TBC1D8: variants seen among roughly 807,000 people sequenced by gnomAD.
TBC1D8 encodes the protein BUB2-like protein 1.
Under a neutral mutation model 118.8 loss-of-function variants are expected in TBC1D8, and 65 were observed. The observed-to-expected ratio is 0.55, with a 90% CI of 0.45 to 0.67. The LOEUF (loss-of-function observed/expected upper bound fraction) is 0.67. TBC1D8 is among the 30% of genes least tolerant of loss of function. TBC1D8 has a pLI of 0.00. For synonymous variants in TBC1D8, 566 were observed against 595.8 expected, an observed-to-expected ratio of 0.95 and a Z score of 0.73; for missense variants, 1,376 against 1,471.2, an observed-to-expected ratio of 0.94 and a Z score of 1.06.
At chr2:101,086,568 C>CAA (rs992197534) in intron 2 of TBC1D8, among the ~76,000 whole-genome samples, 1 of 123,474 alleles carries the variant, frequency 8.1e-6, no homozygotes. Flanking sequence ...ATATGCAAAG[C>CAA]AAAAAAAAAA....
chr2:101,135,741 G>A (rs1678829685), intron 1 of TBC1D8, among the ~76,000 whole-genome samples: 1 of 152,224 alleles, frequency 6.6e-6, no homozygotes. Context: ...CTGATAACAT[G>A]AGCAGATTGC....
intron 1 of TBC1D8, among the ~76,000 whole-genome samples, chr2:101,091,001 G>A (rs552799711): frequency 3.3e-5 from 5 of 152,270 alleles, no homozygotes; most frequent in South Asian, 2.1e-4. Context: ...TAAGAAAACC[G>A]GCCAGGAGTG....
intron 1 of TBC1D8, among the ~76,000 whole-genome samples, chr2:101,095,994 C>T (rs1461246660): frequency 6.6e-6 from 1 of 152,118 alleles, no homozygotes; most frequent in African/African-American, 2.4e-5. Flanking sequence ...CACCAACAGG[C>T]TCCAGTATAA....
chr2:101,064,768 G>A (rs1326415176), intron 2 of TBC1D8, among the ~76,000 whole-genome samples: 28 of 152,132 alleles, frequency 1.8e-4, no homozygotes, highest in Admixed American at 1.8e-3. Context: ...ACAACCAGAG[G>A]TGGTCAACAG....
At chr2:101,138,283 T>A (rs56109794) in intron 1 of TBC1D8, among the ~76,000 whole-genome samples, 2 of 152,118 alleles carry the variant, frequency 1.3e-5, no homozygotes, top group Non-Finnish European at 2.9e-5. Context: ...TTTAAATTAG[T>A]TAATTGTTTT....
At chr2:101,127,651 C>A (rs766724004) in intron 1 of TBC1D8, among the ~76,000 whole-genome samples, 1 of 152,200 alleles carries the variant, frequency 6.6e-6, no homozygotes, top group Non-Finnish European at 1.5e-5. Flanking sequence ...GATCCTCCCA[C>A]CTCAGCCTCC....
chr2:101,138,495 G>A (rs72822934), intron 1 of TBC1D8, among the ~76,000 whole-genome samples: 3,421 of 152,138 alleles, frequency 0.022, 56 homozygotes, highest in Non-Finnish European at 0.035. Context: ...CATTTCAGAC[G>A]CCAGTCACAA....
In TBC1D8 at chr2:101,086,947, C is replaced by T. The variant is rs528706282; in HGVS notation, c.283+3262G>A. 3.2e-4 allele frequency among the ~76,000 whole-genome samples: 48 copies of T among 152,128 alleles called. No homozygotes were observed. The South Asian group carries it at 4.6e-3, about 15-fold the overall frequency. On this transcript the variant is annotated intron_variant, in intron 2 of 19. Transcript: ENST00000409318. ...TACAGGCACCCACAACCACCCCTGG[C>T]TAATTTCTGTACTTTTAGTAGAGAT...
intron 5 of TBC1D8, among the ~76,000 whole-genome samples, chr2:101,048,401 C>T (rs1681841757): frequency 6.6e-6 from 1 of 152,086 alleles, no homozygotes; most frequent in African/African-American, 2.4e-5. Flanking sequence ...GGTCCAAATC[C>T]CAAAGGACAC....
intron 2 of TBC1D8, among the ~76,000 whole-genome samples, chr2:101,069,301 A>T (rs971502426): frequency 2.6e-4 from 39 of 152,082 alleles, no homozygotes; most frequent in Admixed American, 2.6e-3. Context: ...TCAAAAAAAA[A>T]AAAGGCCAGG....
At chr2:101,059,105 T>A (rs7575037) in intron 3 of TBC1D8, among the ~76,000 whole-genome samples, 141 of 152,148 alleles carry the variant, frequency 9.3e-4, no homozygotes, top group African/African-American at 3.3e-3. Flanking sequence ...GATGGGGTTT[T>A]ACCGTGTTAG....
chr2:101,075,929 G>A (rs1360152348), intron 2 of TBC1D8, among the ~76,000 whole-genome samples: 1 of 152,092 alleles, frequency 6.6e-6, no homozygotes, highest in African/African-American at 2.4e-5. Flanking sequence ...CAACGTTTCT[G>A]TATGTTTGAA....
At chr2:101,135,431 T>G (rs1252806434) in intron 1 of TBC1D8, among the ~76,000 whole-genome samples, 1 of 149,234 alleles carries the variant, frequency 6.7e-6, no homozygotes. Context: ...AAAAAAAAAA[T>G]GCCACCACCA....
intron 11 of TBC1D8, among the ~76,000 whole-genome samples, chr2:101,030,350 T>TGC (rs1680597888): frequency 2.6e-5 from 4 of 152,236 alleles, no homozygotes; most frequent in African/African-American, 7.2e-5. Context: ...CCAACCTTTT[T>TGC]TAAAGAGGCT....
intron 1 of TBC1D8, among the ~76,000 whole-genome samples, chr2:101,133,210 T>G (rs867961230): frequency 1.1e-4 from 17 of 149,184 alleles, no homozygotes; most frequent in South Asian, 1.1e-3. Flanking sequence ...AATAAGAAAA[T>G]TATCTAACTT....
At chr2:101,117,057 G>A (rs1397448078) in intron 1 of TBC1D8, among the ~76,000 whole-genome samples, 2 of 152,122 alleles carry the variant, frequency 1.3e-5, no homozygotes, top group African/African-American at 4.8e-5. Flanking sequence ...GACACACAGG[G>A]AGAGCACTGT....
intron 19 of TBC1D8, 81 bp from the exon 20 acceptor site, chr2:101,008,354 T>C (rs1017281397): frequency 1.8e-6 from 2 of 1,117,798 alleles, no homozygotes; most frequent in Non-Finnish European, 1.2e-6. Flanking sequence ...CTGTGAGCTT[T>C]GAGAAAACGA....
Position 101,019,316 on chromosome 2 carries a change from T to C in TBC1D8, c.2827+2365A>G, listed in dbSNP as rs551012907. The stretch of plus-strand genomic sequence containing the variant: ...TGTAATCTCATTATACTTCCTGATC[T>C]GTGATTGAAAACTTTCATTTCGTAA... On this transcript the variant is annotated intron_variant, in intron 17 of 19. Transcript: ENST00000409318. 4 of 300,574 alleles carry C rather than the reference T, an allele frequency of 1.3e-5. No individual in the cohort carries two copies. In the East Asian group the frequency reaches 2.2e-4, roughly 16 times the overall value. 18.6% of individuals were successfully genotyped at this position (300,574 alleles called of 1,614,324 possible). A position where few individuals can be genotyped will look rare whatever the true frequency, so the allele number is the denominator to read the frequency against.
At chr2:101,085,505 G>A (rs1337336967) in intron 2 of TBC1D8, among the ~76,000 whole-genome samples, 2 of 152,154 alleles carry the variant, frequency 1.3e-5, no homozygotes, top group Non-Finnish European at 2.9e-5. Flanking sequence ...TCCTTGCCCT[G>A]TTCCCATAAC....
Sources: allele counts gnomAD v4.1 joint callset (sites outside exome capture counted in the v4.1 genomes callset), GRCh38; gene constraint gnomAD v4.1.1; transcripts MANE v1.5; gene names NCBI Gene and HGNC (gene_info 2026-07-23, HGNC 2026-07-21).